Variants in SLIT2 observed in about 807,000 individuals in gnomAD.
The protein encoded by SLIT2 is slit homolog 2 protein.
In SLIT2, 41 loss-of-function variants were observed where a neutral mutation model predicts 185.7. That is an observed-to-expected ratio of 0.22 (90% confidence interval 0.17 to 0.29). The LOEUF (loss-of-function observed/expected upper bound fraction) is 0.29. Ranked by LOEUF, SLIT2 falls within the 10% of genes least tolerant of loss-of-function variation. The pLI, the probability that SLIT2 is intolerant of heterozygous loss-of-function variation, is 1.00. For missense variants in SLIT2, 1,571 were observed against 1,909.0 expected (o/e 0.82, Z 3.30); for synonymous variants, 693 against 680.2 (o/e 1.02, Z -0.29).
At chr4:20,372,837 C>T (rs973257327) in intron 4 of SLIT2, among the ~76,000 whole-genome samples, 3 of 152,050 alleles carry the variant, frequency 2.0e-5, no homozygotes, top group Admixed American at 6.6e-5. Context: ...TTTAATTTCT[C>T]TCTTTTTACA....
At chr4:20,265,099 C>T (rs1223631419) in intron 3 of SLIT2, among the ~76,000 whole-genome samples, 1 of 151,834 alleles carries the variant, frequency 6.6e-6, no homozygotes, top group Non-Finnish European at 1.5e-5. Context: ...TCAGATTTAA[C>T]TTCAACTCAT....
At chr4:20,510,379 A>G in intron 9 of SLIT2, 116 bp from the exon 10 acceptor site, 1 of 732,936 alleles carries the variant, frequency 1.4e-6, no homozygotes, top group Non-Finnish European at 2.4e-6. Context: ...TCAGGAAAAA[A>G]ATATATCACT....
At position 20,351,501 on chromosome 4, in the gene SLIT2, C is replaced by T. The variant is rs931665931; in HGVS notation, c.395+82620C>T. On this transcript the variant is annotated intron_variant, in intron 4 of 36. Transcript: ENST00000504154. ...CTTTCTGGGCAGTGGGCAAGAAGAACCCAACACTTATATGAGAATTCCCAC... is the reference window on the plus strand; with the variant it reads ...CTTTCTGGGCAGTGGGCAAGAAGAATCCAACACTTATATGAGAATTCCCAC... Among the ~76,000 whole-genome samples the T allele has an allele frequency of 2.0e-5, 3 of 152,160 alleles. No homozygotes were observed. In the South Asian group the frequency reaches 6.2e-4, roughly 31 times the overall value.
chr4:20,368,509 A>C (rs1452643515), intron 4 of SLIT2, among the ~76,000 whole-genome samples: 1 of 152,070 alleles, frequency 6.6e-6, no homozygotes, highest in Non-Finnish European at 1.5e-5. Flanking sequence ...TATTGTTAAC[A>C]CCTAAAGTAG....
chr4:20,450,164 C>A (rs1010616180), intron 4 of SLIT2, among the ~76,000 whole-genome samples: 1 of 152,076 alleles, frequency 6.6e-6, no homozygotes, highest in African/African-American at 2.4e-5. Flanking sequence ...TTTGATGATG[C>A]TTCTTTTATC....
chr4:20,385,620 T>TGAA (rs1724875418), intron 4 of SLIT2, among the ~76,000 whole-genome samples: 2 of 152,174 alleles, frequency 1.3e-5, no homozygotes, highest in African/African-American at 4.8e-5. Context: ...TCAGTTGCAT[T>TGAA]TCTCTTCAGG....
chr4:20,384,088 C>CTT (rs35319077), intron 4 of SLIT2, among the ~76,000 whole-genome samples: 12 of 147,742 alleles, frequency 8.1e-5, no homozygotes, highest in African/African-American at 1.5e-4. Context: ...TTCAGAGCAG[C>CTT]TTTTTTTTTT....
At chr4:20,437,209 G>C (rs190207576) in intron 4 of SLIT2, among the ~76,000 whole-genome samples, 2 of 152,120 alleles carry the variant, frequency 1.3e-5, no homozygotes. Flanking sequence ...CTGCTCGGCA[G>C]AATCTCCATC....
intron 4 of SLIT2, among the ~76,000 whole-genome samples, chr4:20,451,952 G>A (rs1264901236): frequency 6.6e-6 from 1 of 152,092 alleles, no homozygotes; most frequent in Admixed American, 6.5e-5. Context: ...ATTGACAGCT[G>A]GCAAAACAAC....
chr4:20,369,686 G>A (rs769641024), intron 4 of SLIT2, among the ~76,000 whole-genome samples: 96 of 152,180 alleles, frequency 6.3e-4, no homozygotes, highest in Non-Finnish European at 1.2e-3. Flanking sequence ...CAGAGTCACT[G>A]TCTAGGGACC....
At chr4:20,549,158 C>G (rs1475057166) in intron 24 of SLIT2, 30 bp downstream of exon 24, 2 of 1,359,484 alleles carry the variant, frequency 1.5e-6, no homozygotes, top group East Asian at 4.6e-5. Flanking sequence ...CAGAATATCT[C>G]TTTTCTCAGA....
At chr4:20,292,975 T>C (rs1364406156) in intron 4 of SLIT2, among the ~76,000 whole-genome samples, 1 of 152,198 alleles carries the variant, frequency 6.6e-6, no homozygotes, top group Non-Finnish European at 1.5e-5. Flanking sequence ...ATGGGGTATC[T>C]GCGAAGGCAA....
At chr4:20,607,917 A>G (rs1728915660) in intron 33 of SLIT2, among the ~76,000 whole-genome samples, 1 of 152,144 alleles carries the variant, frequency 6.6e-6, no homozygotes, top group East Asian at 1.9e-4. Context: ...GTCTGTCTTT[A>G]TTTTAATGTT....
At position 20,618,936 on chromosome 4, in the gene SLIT2, G is replaced by A; in HGVS notation, c.4517G>A (p.Cys1506Tyr). The A allele has an allele frequency of 6.2e-7, 1 of 1,614,124 alleles. No homozygotes were observed. The highest frequency in any genetic ancestry group is 8.5e-7 in the Non-Finnish European group (1 of 1,180,014). The change falls in exon 37 of 37, where the codon TGC becomes TAC. Residue 1506 changes from cysteine to tyrosine, a missense_variant. Physicochemically the swap from Cys to Tyr is radical, Grantham distance 194. Around this residue, in one of 3 missense-constraint regions of SLIT2, gnomAD observed 223 missense variants for 245.2 expected, o/e 0.91. Transcript: ENST00000504154. The stretch of plus-strand genomic sequence containing the variant: ...AAGCGGCGGAAATACTCTTTCGAAT[G>A]CACTGACGGCTCCTCCTTTGTGGAC... Reference protein sequence around the residue: ...RSKRRKYSFECTDGSSFVDEV... With the variant: ...RSKRRKYSFEYTDGSSFVDEV...
At chr4:20,520,314 G>A (rs1720729209) in intron 12 of SLIT2, among the ~76,000 whole-genome samples, 1 of 152,156 alleles carries the variant, frequency 6.6e-6, no homozygotes, top group Admixed American at 6.5e-5. Flanking sequence ...TTTAATGCAT[G>A]CCCATATGAA....
chr4:20,617,396 T>G (rs753135665), intron 35 of SLIT2, 43 bp from the exon 36 acceptor site: 70 of 1,559,632 alleles, frequency 4.5e-5, no homozygotes, highest in Non-Finnish European at 4.5e-5. Context: ...TCTTACCTCC[T>G]CTTCTGAATG....
At chr4:20,562,969 C>G (rs1724816257) in intron 26 of SLIT2, among the ~76,000 whole-genome samples, 1 of 151,588 alleles carries the variant, frequency 6.6e-6, no homozygotes, top group Non-Finnish European at 1.5e-5. Flanking sequence ...GGTAATAAAT[C>G]AAAATGAGAT....
intron 4 of SLIT2, among the ~76,000 whole-genome samples, chr4:20,280,945 A>G (rs1714707053): frequency 1.3e-5 from 2 of 149,518 alleles, no homozygotes; most frequent in South Asian, 2.1e-4. Context: ...CGATTCTCCT[A>G]CCTAAACTTC....
chr4:20,463,448 GAT>G (rs56256520), intron 4 of SLIT2, among the ~76,000 whole-genome samples: 1,818 of 66,678 alleles, frequency 0.027, 18 homozygotes, highest in African/African-American at 0.03. Flanking sequence ...CTCAAACTGT[GAT>G]ATATATATAT....
Sources: allele counts gnomAD v4.1 joint callset (sites outside exome capture counted in the v4.1 genomes callset), GRCh38; gene constraint gnomAD v4.1.1; regional missense constraint gnomAD v4.1.1; transcripts MANE v1.5; gene names NCBI Gene and HGNC (gene_info 2026-07-23, HGNC 2026-07-21).